TASP1: variants seen among roughly 807,000 people sequenced by gnomAD.
The protein encoded by TASP1 is threonine aspartase 1.
TASP1 carries 16 observed loss-of-function variants against 56.6 expected under a neutral mutation model. That is an observed-to-expected ratio of 0.28 (90% CI 0.19 to 0.43). The LOEUF is 0.43. TASP1 is among the 20% of genes least tolerant of loss of function. The pLI, the probability that TASP1 is intolerant of heterozygous loss-of-function variation, is 1.00. For synonymous variants in TASP1, 179 were observed against 184.2 expected (o/e 0.97, Z 0.23); for missense variants, 393 against 511.6 (o/e 0.77, Z 2.24).
chr20:13,390,226 G>A lies in TASP1; in HGVS notation c.*134C>T, dbSNP rs1388006353. On this transcript the variant is annotated 3_prime_UTR_variant, in exon 14 of 14. Coordinates refer to ENST00000337743, the MANE Select transcript of TASP1 (RefSeq NM_017714.3). ...CTAAGCGCTAACTACAGCAGCACTT[G>A]TGTCTCGAGCAGTGCACGAGGTTGC... 5 of 754,456 alleles carry A rather than the reference G, an allele frequency of 6.6e-6. No homozygotes were observed. The highest frequency in any genetic ancestry group is 5.6e-5 in the East Asian group (2 of 35,570). The allele number at this position is 754,456 out of a possible 1,614,324, so 46.7% of individuals were successfully genotyped here.
the TASP1 span, chr20:13,244,397 A>AAAAAC: frequency 2.0e-5 from 3 of 152,080 alleles, no homozygotes; most frequent in Non-Finnish European, 2.9e-5. Context: ...CAAAAAAAAA[A>AAAAAC]AAAACCAGCA....
chr20:13,566,326 T>C (rs996312027), intron 7 of TASP1, among the ~76,000 whole-genome samples: 3 of 152,284 alleles, frequency 2.0e-5, no homozygotes, highest in Middle Eastern at 3.4e-3. Context: ...GTAAATTTTA[T>C]GTTATGTGTA....
chr20:13,111,530 C>T, the TASP1 span, among the ~76,000 whole-genome samples: 1 of 152,206 alleles, frequency 6.6e-6, no homozygotes, highest in East Asian at 1.9e-4. Flanking sequence ...CTGAGAAAAC[C>T]TGTTCTGGTA....
the TASP1 span, among the ~76,000 whole-genome samples, chr20:13,136,475 C>T: frequency 6.6e-6 from 1 of 151,600 alleles, no homozygotes. Flanking sequence ...TGGCAGACAC[C>T]TGTGGTCCCA....
the TASP1 span, among the ~76,000 whole-genome samples, chr20:13,157,074 G>A: frequency 4.6e-5 from 7 of 152,094 alleles, no homozygotes; most frequent in African/African-American, 1.4e-4. Flanking sequence ...AGACCTCAGC[G>A]ATTACCCACG....
chr20:13,304,189 A>G, the TASP1 span, among the ~76,000 whole-genome samples: 8 of 152,320 alleles, frequency 5.3e-5, no homozygotes, highest in South Asian at 4.1e-4. Flanking sequence ...GCTCTGCTAC[A>G]TGACACATCC....
the TASP1 span, among the ~76,000 whole-genome samples, chr20:13,232,974 T>G: frequency 6.6e-6 from 1 of 151,992 alleles, no homozygotes; most frequent in South Asian, 2.1e-4. Flanking sequence ...AGACATTGAT[T>G]GTAGTGACCA....
chr20:13,454,240 C>A (rs1290536070), intron 11 of TASP1, among the ~76,000 whole-genome samples: 1 of 152,058 alleles, frequency 6.6e-6, no homozygotes. Context: ...GAAATAAAAT[C>A]TTTAGAGAAT....
chr20:13,292,406 G>A, the TASP1 span: 24 of 1,606,638 alleles, frequency 1.5e-5, no homozygotes, highest in African/African-American at 8.0e-5. Flanking sequence ...AGCTGCCACC[G>A]AAGTGAGTCT....
intron 13 of TASP1, among the ~76,000 whole-genome samples, chr20:13,414,897 A>G (rs959442491): frequency 6.6e-6 from 1 of 152,062 alleles, no homozygotes; most frequent in Admixed American, 6.6e-5. Context: ...GATACTGATT[A>G]TTATCCAGCC....
intron 10 of TASP1, among the ~76,000 whole-genome samples, chr20:13,521,946 C>A (rs564284855): frequency 1.1e-4 from 16 of 152,172 alleles, no homozygotes; most frequent in African/African-American, 3.6e-4. Flanking sequence ...AGGATGGCTG[C>A]AGAAGAACTC....
chr20:13,250,721 T>G, the TASP1 span, among the ~76,000 whole-genome samples: 1 of 152,354 alleles, frequency 6.6e-6, no homozygotes, highest in East Asian at 1.9e-4. Flanking sequence ...CTATTGTATT[T>G]CCAGTCTTTG....
intron 10 of TASP1, among the ~76,000 whole-genome samples, chr20:13,486,639 T>G (rs1352949606): frequency 1.3e-5 from 2 of 152,126 alleles, no homozygotes; most frequent in Non-Finnish European, 2.9e-5. Context: ...AAAAAGAAAT[T>G]AATAGAATTG....
the TASP1 span, among the ~76,000 whole-genome samples, chr20:13,263,323 T>C: frequency 1.3e-5 from 2 of 151,964 alleles, no homozygotes; most frequent in Non-Finnish European, 2.9e-5. Context: ...TCAGAATAAG[T>C]CCCAACAAGC....
rs1023226119 is a variant in TASP1 at position 13,530,574 on chromosome 20, A to G, written c.796-2063T>C. Reference sequence around the variant, plus strand: ...ATCATCTTTTACGTCCCCCACAATTAACATGACCAGTAGCCTGCACTCAAA... The same window carrying G: ...ATCATCTTTTACGTCCCCCACAATTGACATGACCAGTAGCCTGCACTCAAA... On this transcript the variant is annotated intron_variant, in intron 9 of 13. Transcript: ENST00000337743. Among the ~76,000 whole-genome samples the G allele has an allele frequency of 7.2e-5, 11 of 152,176 alleles. No individual in the cohort carries two copies. In the East Asian group the frequency reaches 1.9e-3, roughly 27 times the overall value.
At chr20:13,178,689 TAA>T in the TASP1 span, among the ~76,000 whole-genome samples, 41 of 110,654 alleles carry the variant, frequency 3.7e-4, no homozygotes, top group Middle Eastern at 5.1e-3. Flanking sequence ...ATATGGAAGC[TAA>T]AAAAAAAAAA....
intron 12 of TASP1, among the ~76,000 whole-genome samples, chr20:13,431,580 G>C (rs1218031649): frequency 1.3e-5 from 2 of 152,142 alleles, no homozygotes; most frequent in South Asian, 2.1e-4. Context: ...AACAACAATG[G>C]TATTGTTGAC....
chr20:13,107,595 G>T, the TASP1 span, among the ~76,000 whole-genome samples: 1 of 151,844 alleles, frequency 6.6e-6, no homozygotes, highest in Non-Finnish European at 1.5e-5. Flanking sequence ...CAGATAAAAA[G>T]AGAAAAAAAC....
At chr20:13,432,910 C>T in intron 12 of TASP1, among the ~76,000 whole-genome samples, 1 of 152,030 alleles carries the variant, frequency 6.6e-6, no homozygotes. Flanking sequence ...ATCGATGAAA[C>T]AATTTTAATG....
Sources: gnomAD v4.1 joint callset for allele counts (sites outside exome capture counted in the v4.1 genomes callset) on GRCh38, gnomAD v4.1.1 for gene constraint, MANE v1.5 for transcripts, NCBI Gene and HGNC (gene_info 2026-07-23, HGNC 2026-07-21) for gene names.